The following RGS14 variants were observed in gnomAD, a reference collection of about 807,000 sequenced individuals.
The protein encoded by RGS14 is regulator of G-protein signaling 14.
Under a neutral mutation model 63.8 loss-of-function variants are expected in RGS14, and 33 were observed. The observed-to-expected ratio is 0.52, with a 90% CI of 0.39 to 0.69. The LOEUF (loss-of-function observed/expected upper bound fraction) is 0.69, where lower values mean the gene tolerates loss of function less well. Ranked by LOEUF, RGS14 falls within the 30% of genes least tolerant of loss-of-function variation. The pLI, the probability that RGS14 is intolerant of heterozygous loss-of-function variation, is 0.00. For missense variants in RGS14, 739 were observed against 742.9 expected, an observed-to-expected ratio of 0.99 and a Z score of 0.06; for synonymous variants, 296 against 320.9, an observed-to-expected ratio of 0.92 and a Z score of 0.83.
intron 5 of RGS14, 173 bp downstream of exon 5, chr5:177,367,207 G>T (rs908995994): frequency 6.3e-5 from 70 of 1,102,852 alleles, no homozygotes; most frequent in Non-Finnish European, 8.6e-5. Context: ...TCAGAGGCAC[G>T]GGGAAGGACA....
chr5:177,365,288 G>A (rs1762062715), intron 1 of RGS14, among the ~76,000 whole-genome samples: 1 of 152,136 alleles, frequency 6.6e-6, no homozygotes, highest in Admixed American at 6.5e-5. Flanking sequence ...TGCCTCCTGG[G>A]TTCAAGCGAT....
chr5:177,370,579 C>T lies in RGS14; in HGVS notation c.1054-12C>T. On this transcript the variant is annotated splice_polypyrimidine_tract_variant and intron_variant, in intron 9 of 14. Transcript: ENST00000408923. The stretch of plus-strand genomic sequence containing the variant: ...GGAGGGACTCTTAGACCCTGCCTGG[C>T]ATCCACAGAAGGCCCTGGTCCTGGA... The T allele has an allele frequency of 6.2e-7, 1 of 1,613,488 alleles. No individual in the cohort carries two copies. The highest frequency in any genetic ancestry group is 1.3e-5 in the African/African-American group (1 of 75,028).
At chr5:177,365,742 G>A (rs11741640) in intron 1 of RGS14, among the ~76,000 whole-genome samples, 31,965 of 152,086 alleles carry the variant, frequency 0.21, 4,026 homozygotes, top group Middle Eastern at 0.31. Context: ...GGAACCAGGG[G>A]CTGCTGGAAG....
At position 177,371,941 on chromosome 5, in the gene RGS14, G is replaced by C; in HGVS notation, c.1567G>C (p.Glu523Gln). The change falls in exon 15 of 15, where the codon GAG becomes CAG. Residue 523 changes from glutamate (E) to glutamine (Q), a missense_variant. Physicochemically the swap from Glu to Gln is conservative, Grantham distance 29. Coordinates refer to ENST00000408923, the MANE Select transcript of RGS14 (RefSeq NM_006480.5). The surrounding 1 kb of genome is among the most constrained non-coding windows in gnomAD (Gnocchi z 6.1). ...CGACCAGAGGGGCCTTCTGAGGAAAGAGGACCTGGTACTTCCAGAATTTCT... is the reference window on the plus strand; with the variant it reads ...CGACCAGAGGGGCCTTCTGAGGAAACAGGACCTGGTACTTCCAGAATTTCT... Reference protein sequence around the residue: ...AHDQRGLLRKEDLVLPEFLQL... With the variant: ...AHDQRGLLRKQDLVLPEFLQL... 6.2e-7 allele frequency: 1 copy of C among 1,614,144 alleles called. No individual in the cohort carries two copies. The highest frequency in any genetic ancestry group is 1.1e-5 in the South Asian group (1 of 91,086).
intron 1 of RGS14, among the ~76,000 whole-genome samples, chr5:177,363,434 T>TCA (rs995201226): frequency 7.6e-4 from 116 of 151,864 alleles, no homozygotes; most frequent in African/African-American, 2.8e-3. Flanking sequence ...GAAGCGAAGC[T>TCA]CAGGGAGGAG....
Position 177,366,917 on chromosome 5 carries a change from C to T in RGS14, c.366C>T (p.Tyr122=), listed in dbSNP as rs1762108805. 1 of 1,613,756 alleles carries T rather than the reference C, an allele frequency of 6.2e-7. No homozygotes were observed. ...TAGCTCAGGAGGCCCGCAACATCTACCAGGAGTTCCTGTCCAGCCAGGCGC... is the reference window on the plus strand; with the variant it reads ...TAGCTCAGGAGGCCCGCAACATCTATCAGGAGTTCCTGTCCAGCCAGGCGC... ...QQLAQEARNI[Y]QEFLSSQALS... Residue 122 remains tyrosine, a synonymous_variant, in exon 5 of 15, where the codon TAC becomes TAT. Coordinates refer to ENST00000408923, the MANE Select transcript of RGS14 (RefSeq NM_006480.5).
chr5:177,371,670 G>T lies in RGS14; in HGVS notation c.1498+81G>T. The T allele has an allele frequency of 7.0e-7, 1 of 1,433,770 alleles. No individual in the cohort carries two copies. The highest frequency in any genetic ancestry group is 1.2e-5 in the South Asian group (1 of 85,162). 88.8% of individuals were successfully genotyped at this position (1,433,770 alleles called of 1,614,324 possible). Reference sequence around the variant, plus strand: ...ATTCAGGGTGGCATCAGAGAGCCTTGAGCTAAGGCAGGGGGCTGGGTGCCA... The same window carrying T: ...ATTCAGGGTGGCATCAGAGAGCCTTTAGCTAAGGCAGGGGGCTGGGTGCCA... On this transcript the variant is annotated intron_variant, in intron 14 of 14. Transcript: ENST00000408923. The surrounding 1 kb of genome is among the most constrained non-coding windows in gnomAD (Gnocchi z 6.1).
intron 1 of RGS14, among the ~76,000 whole-genome samples, chr5:177,361,410 T>A (rs1001163040): frequency 6.6e-6 from 1 of 152,126 alleles, no homozygotes; most frequent in African/African-American, 2.4e-5. Flanking sequence ...GAGGAGCCCC[T>A]GAGCAGGTCA....
rs116831308 is a variant in RGS14 at position 177,367,635 on chromosome 5, C to T, written c.627+78C>T. 1.1e-4 allele frequency: 178 copies of T among 1,582,864 alleles called. No individual in the cohort carries two copies. In the African/African-American group the frequency reaches 2.3e-3, roughly 20 times the overall value. ...GTGCAAGAGGGGACGCCTCCGGGTG[C>T]AGATCTGCGAGTCTGTGCCCACGGT... On this transcript the variant is annotated intron_variant, in intron 6 of 14. Coordinates refer to ENST00000408923, the MANE Select transcript of RGS14 (RefSeq NM_006480.5).
At position 177,358,058 on chromosome 5, in the gene RGS14, A is replaced by C; in HGVS notation, c.34A>C (p.Asn12His). 7.4e-7 allele frequency: 1 copy of C among 1,358,808 alleles called. No individual in the cohort carries two copies. Among genetic ancestry groups the C allele is most frequent in the Non-Finnish European group, 9.6e-7 (1 of 1,045,620 alleles). The allele number at this position is 1,358,808 out of a possible 1,614,324, so 84.2% of individuals were successfully genotyped here. The change falls in exon 1 of 15, where the codon AAC becomes CAC. Residue 12 changes from asparagine (N) to histidine (H), a missense_variant. Physicochemically the swap from Asn to His is moderately conservative, Grantham distance 68. Transcript: ENST00000408923. This position sits in a 1 kb window ranked among gnomAD's most constrained non-coding sequence, Gnocchi z 4.8. ...PGKPKHLGVP[N>H]GRMVLAVSDG... The stretch of plus-strand genomic sequence containing the variant: ...GAAGCCCAAGCACCTGGGCGTCCCC[A>C]ACGGGCGCATGGTGAGTGTGGGCTC...
intron 1 of RGS14, among the ~76,000 whole-genome samples, chr5:177,360,244 C>T (rs966258218): frequency 5.3e-5 from 8 of 152,120 alleles, no homozygotes; most frequent in Non-Finnish European, 1.0e-4. Flanking sequence ...GCCCATCAGC[C>T]CTAGTCCCTG....
chr5:177,365,523 C>A (rs189009771), intron 1 of RGS14, among the ~76,000 whole-genome samples: 1 of 152,306 alleles, frequency 6.6e-6, no homozygotes, highest in East Asian at 1.9e-4. Context: ...ATATATTAAA[C>A]TGACTTGATC....
At position 177,371,063 on chromosome 5, in the gene RGS14, C is replaced by T. The variant is rs1762236868; in HGVS notation, c.1254+32C>T. 2 of 599,178 alleles carry T rather than the reference C, an allele frequency of 3.3e-6. No homozygotes were observed. The highest frequency in any genetic ancestry group is 4.0e-6 in the Non-Finnish European group (2 of 499,296). The allele number at this position is 599,178 out of a possible 1,614,324, so 37.1% of individuals were successfully genotyped here. On this transcript the variant is annotated intron_variant, in intron 11 of 14. Transcript: ENST00000408923. This position sits in a 1 kb window ranked among gnomAD's most constrained non-coding sequence, Gnocchi z 6.1. ...TTCCGGGCCGCGGGGCGGGGCGGGG[C>T]GGGGCCGGGCCGGGGCCGGGGCCGG...
At chr5:177,365,847 C>A in intron 1 of RGS14, 116 bp from the exon 2 acceptor site, 1 of 1,031,338 alleles carries the variant, frequency 9.7e-7, no homozygotes, top group Non-Finnish European at 1.5e-6. Flanking sequence ...TAGAACCTGG[C>A]CGGGGATGCC....
intron 8 of RGS14, among the ~76,000 whole-genome samples, 164 bp from the exon 9 acceptor site, chr5:177,368,553 T>G (rs1762164265): frequency 6.6e-6 from 1 of 152,264 alleles, no homozygotes; most frequent in Non-Finnish European, 1.5e-5. Flanking sequence ...GGTGCCCATA[T>G]GCCTGGGTGT....
chr5:177,359,571 G>C lies in RGS14; in HGVS notation c.45+1502G>C, dbSNP rs557718361. Among the ~76,000 whole-genome samples, 83 of 152,322 alleles carry C rather than the reference G, an allele frequency of 5.4e-4. 1 individual carries two copies. Among genetic ancestry groups the C allele is most frequent in the Non-Finnish European group, 1.0e-3 (70 of 68,020 alleles). ...GACTTCTCTACTCAAAAGTCACCTA[G>C]AGCAGGGAGGGTGCCCCAAGGTCTG... On this transcript the variant is annotated intron_variant, in intron 1 of 14. Coordinates refer to ENST00000408923, the MANE Select transcript of RGS14 (RefSeq NM_006480.5). This position sits in a 1 kb window ranked among gnomAD's most constrained non-coding sequence, Gnocchi z 4.4.
Position 177,364,784 on chromosome 5 carries a change from T to C in RGS14, c.46-1179T>C, listed in dbSNP as rs1762053234. Among the ~76,000 whole-genome samples the C allele has an allele frequency of 3.9e-5, 6 of 152,170 alleles. No homozygotes were observed. Among genetic ancestry groups the C allele is most frequent in the Admixed American group, 3.3e-4 (5 of 15,284 alleles). On this transcript the variant is annotated intron_variant, in intron 1 of 14. Coordinates refer to ENST00000408923, the MANE Select transcript of RGS14 (RefSeq NM_006480.5). This position sits in a 1 kb window ranked among gnomAD's most constrained non-coding sequence, Gnocchi z 4.6. Reference sequence around the variant, plus strand: ...GAGGAGAGTTTTTCTGTTTCACTAATGATTGGGATTCCCAGAGAAACCAGA... The same window carrying C: ...GAGGAGAGTTTTTCTGTTTCACTAACGATTGGGATTCCCAGAGAAACCAGA...
rs1581625506 is a variant in RGS14, at chr5:177,371,746, CAG to C, written c.1499-126_1499-125del. On this transcript the variant is annotated intron_variant, in intron 14 of 14. Coordinates refer to ENST00000408923, the MANE Select transcript of RGS14 (RefSeq NM_006480.5). This position sits in a 1 kb window ranked among gnomAD's most constrained non-coding sequence, Gnocchi z 6.1. The stretch of plus-strand genomic sequence containing the variant: ...GGTTGGGGGGTCAAAGGGGCTGGAA[CAG>C]GGGGCCGCAGGCCATTGGTGCTGGG... 11 of 1,201,880 alleles carry C rather than the reference CAG, an allele frequency of 9.2e-6. No individual in the cohort carries two copies. Among genetic ancestry groups the C allele is most frequent in the Non-Finnish European group, 1.3e-5 (11 of 855,126 alleles). The allele number at this position is 1,201,880 out of a possible 1,614,324, so 74.5% of individuals were successfully genotyped here. A position where few individuals can be genotyped will look rare whatever the true frequency, so the allele number is the denominator to read the frequency against.
chr5:177,367,739 C>G lies in RGS14; in HGVS notation c.653C>G (p.Ser218Trp). The change falls in exon 7 of 15, where the codon TCG becomes TGG. Residue 218 changes from serine to tryptophan, a missense_variant. Ser to Trp is a radical substitution (Grantham distance 177). Transcript: ENST00000408923. ...AAGCCGAAGCTGAAGCCCGGGAAGT[C>G]GCTGCCGCTGGGTGTGGAGGAGTTG... ...RKKPKLKPGK[S>W]LPLGVEELGQ... is the part of the protein sequence containing the mutation. The G allele has an allele frequency of 5.6e-6, 9 of 1,613,134 alleles. No homozygotes were observed. The highest frequency in any genetic ancestry group is 7.6e-6 in the Non-Finnish European group (9 of 1,179,736).
Sources: gnomAD v4.1 joint callset for allele counts (sites outside exome capture counted in the v4.1 genomes callset) on GRCh38, gnomAD v4.1.1 for gene constraint, Gnocchi (gnomAD v3.1) non-coding constraint, MANE v1.5 for transcripts, NCBI Gene and HGNC (gene_info 2026-07-23, HGNC 2026-07-21) for gene names.